NCAM2: variants seen among roughly 807,000 people sequenced by gnomAD.
The protein encoded by NCAM2 is N-CAM-2.
A neutral mutation model predicts 98.1 loss-of-function variants in NCAM2; 30 were observed. The observed-to-expected ratio is 0.31, with a 90% CI of 0.23 to 0.41. The LOEUF (loss-of-function observed/expected upper bound fraction) is 0.41, where lower values mean the gene tolerates loss of function less well. NCAM2 is among the 10% of genes least tolerant of loss of function. NCAM2 has a pLI of 1.00. For synonymous variants in NCAM2, 368 were observed against 342.4 expected, an observed-to-expected ratio of 1.07 and a Z score of -0.83; for missense variants, 867 against 1,005.8, an observed-to-expected ratio of 0.86 and a Z score of 1.87.
intron 1 of NCAM2, among the ~76,000 whole-genome samples, chr21:21,110,110 G>A (rs2826656): frequency 0.94 from 143,842 of 152,266 alleles, 68,012 homozygotes; most frequent in East Asian, 1. Flanking sequence ...GGGGTGATGA[G>A]TCCAAAGCAT....
chr21:21,154,818 G>A lies in NCAM2; in HGVS notation c.56-125760G>A, dbSNP rs1051277321. Reference sequence around the variant, plus strand: ...ACCATTAGAATAGGGTATAAAAATAGAAGGTCAAAACCAGACATCTTGGAG... The same window carrying A: ...ACCATTAGAATAGGGTATAAAAATAAAAGGTCAAAACCAGACATCTTGGAG... On this transcript the variant is annotated intron_variant, in intron 1 of 17. Transcript: ENST00000400546. Among the ~76,000 whole-genome samples, 6 of 151,934 alleles carry A rather than the reference G, an allele frequency of 3.9e-5. No homozygotes were observed. In the South Asian group the frequency reaches 1.0e-3, roughly 26 times the overall value.
chr21:21,080,669 A>C lies in NCAM2; in HGVS notation c.55+82051A>C, dbSNP rs1404865178. ...TTGATAAGATCTCAAAAAAAAAAAAAAAAAAAAAAAACCAACATTGATTCA... is the reference window on the plus strand; with the variant it reads ...TTGATAAGATCTCAAAAAAAAAAAACAAAAAAAAAAACCAACATTGATTCA... On this transcript the variant is annotated intron_variant, in intron 1 of 17. Coordinates refer to ENST00000400546, the MANE Select transcript of NCAM2 (RefSeq NM_004540.5). 1.0e-3 allele frequency among the ~76,000 whole-genome samples: 148 copies of C among 146,230 alleles called. 2 individuals are homozygous for C. The highest frequency in any genetic ancestry group is 3.0e-3 in the African/African-American group (116 of 38,402).
intron 1 of NCAM2, among the ~76,000 whole-genome samples, chr21:21,039,728 A>G (rs1247343710): frequency 2.0e-5 from 3 of 152,194 alleles, no homozygotes; most frequent in African/African-American, 4.8e-5. Context: ...GGAAACTCAT[A>G]ACTTTTTTGC....
At chr21:21,170,163 A>T (rs1336037644) in intron 1 of NCAM2, among the ~76,000 whole-genome samples, 1 of 152,170 alleles carries the variant, frequency 6.6e-6, no homozygotes, top group Non-Finnish European at 1.5e-5. Flanking sequence ...CGTGAATGGA[A>T]AATAGTACAG....
chr21:21,461,707 TA>T (rs138961772), intron 12 of NCAM2, among the ~76,000 whole-genome samples: 6,613 of 151,826 alleles, frequency 0.044, 484 homozygotes, highest in African/African-American at 0.15. Context: ...AAAGTACTGT[TA>T]AAAAAACTAA....
At chr21:21,115,665 G>C (rs2066539534) in intron 1 of NCAM2, among the ~76,000 whole-genome samples, 1 of 152,098 alleles carries the variant, frequency 6.6e-6, no homozygotes, top group Non-Finnish European at 1.5e-5. Context: ...CTTCCTGGTA[G>C]CTATTTTATA....
chr21:21,395,802 C>T (rs575920434), intron 9 of NCAM2, among the ~76,000 whole-genome samples: 3 of 125,978 alleles, frequency 2.4e-5, no homozygotes, highest in Admixed American at 1.6e-4. Context: ...GGATAATTGG[C>T]AAGCCACAAG....
At chr21:21,000,101 G>C (rs1022295380) in intron 1 of NCAM2, among the ~76,000 whole-genome samples, 15 of 152,160 alleles carry the variant, frequency 9.9e-5, no homozygotes, top group African/African-American at 3.6e-4. Context: ...AGCCCAATTC[G>C]TTAATTCAGT....
chr21:21,246,808 A>G (rs2071287653), intron 1 of NCAM2, among the ~76,000 whole-genome samples: 1 of 152,180 alleles, frequency 6.6e-6, no homozygotes. Context: ...ACTGTCAATT[A>G]TATTTTTCTA....
intron 16 of NCAM2, among the ~76,000 whole-genome samples, chr21:21,509,974 C>T (rs1988257151): frequency 6.6e-6 from 1 of 152,012 alleles, no homozygotes; most frequent in Admixed American, 6.6e-5. Context: ...ACCTTAAGTC[C>T]TTTCTACTGC....
chr21:21,054,762 G>A (rs1285977174), intron 1 of NCAM2, among the ~76,000 whole-genome samples: 7 of 152,010 alleles, frequency 4.6e-5, no homozygotes, highest in African/African-American at 1.7e-4. Context: ...GTCTCAAAGA[G>A]AACTATGAGT....
chr21:21,373,520 G>A (rs232517), intron 8 of NCAM2, among the ~76,000 whole-genome samples: 54,228 of 151,394 alleles, frequency 0.36, 9,919 homozygotes, highest in East Asian at 0.58. Context: ...TGGAATTGAC[G>A]GTATCCAAAT....
chr21:21,120,856 T>C (rs867637693), intron 1 of NCAM2, among the ~76,000 whole-genome samples: 1 of 151,808 alleles, frequency 6.6e-6, no homozygotes, highest in South Asian at 2.1e-4. Flanking sequence ...GTAGCTGGGA[T>C]TACAGGTGGG....
chr21:21,045,000 CTATA>C (rs1414572553), intron 1 of NCAM2, among the ~76,000 whole-genome samples: 3 of 151,770 alleles, frequency 2.0e-5, no homozygotes, highest in African/African-American at 7.3e-5. Flanking sequence ...ACATATATAT[CTATA>C]TATAAAAACA....
chr21:21,382,416 G>A (rs2076172685), intron 9 of NCAM2, among the ~76,000 whole-genome samples: 1 of 151,514 alleles, frequency 6.6e-6, no homozygotes, highest in Admixed American at 6.6e-5. Context: ...TTCCAATTAG[G>A]TAATGTTCTC....
chr21:21,242,043 A>G (rs909282646), intron 1 of NCAM2, among the ~76,000 whole-genome samples: 16 of 152,182 alleles, frequency 1.1e-4, no homozygotes, highest in African/African-American at 3.6e-4. Context: ...GTCAGCCATT[A>G]CACTAAAATT....
chr21:21,063,206 CA>C (rs1219423488), intron 1 of NCAM2, among the ~76,000 whole-genome samples: 2 of 121,646 alleles, frequency 1.6e-5, no homozygotes, highest in Non-Finnish European at 3.4e-5. Context: ...TTTATCTTTA[CA>C]TTCTTTTTTT....
At chr21:21,014,423 C>CAAA (rs71193391) in intron 1 of NCAM2, among the ~76,000 whole-genome samples, 1 of 100,794 alleles carries the variant, frequency 9.9e-6, no homozygotes, top group Non-Finnish European at 2.1e-5. Flanking sequence ...GACTCCATCT[C>CAAA]AAAAAAAAAA....
At chr21:21,005,936 A>G (rs887976715) in intron 1 of NCAM2, among the ~76,000 whole-genome samples, 1 of 152,182 alleles carries the variant, frequency 6.6e-6, no homozygotes, top group African/African-American at 2.4e-5. Context: ...CACCTCTTCT[A>G]TGCCAGAGAG....
Sources: allele counts gnomAD v4.1 joint callset (sites outside exome capture counted in the v4.1 genomes callset), GRCh38; gene constraint gnomAD v4.1.1; transcripts MANE v1.5; gene names NCBI Gene and HGNC (gene_info 2026-07-23, HGNC 2026-07-21).